The following ZNF568 variants were observed in gnomAD, a reference collection of about 807,000 sequenced individuals.
ZNF568 encodes the protein zinc finger protein 568.
Under a neutral mutation model 18.1 loss-of-function variants are expected in ZNF568, and 11 were observed. That is an observed-to-expected ratio of 0.61 (90% confidence interval 0.38 to 1.00). The LOEUF (loss-of-function observed/expected upper bound fraction) is 1.00. ZNF568 is among the 50% of genes least tolerant of loss of function. ZNF568 has a pLI of 0.01. For missense variants in ZNF568, 639 were observed against 768.2 expected, an observed-to-expected ratio of 0.83 and a Z score of 1.99; for synonymous variants, 213 against 246.6, an observed-to-expected ratio of 0.86 and a Z score of 1.28.
downstream of ZNF568, among the ~76,000 whole-genome samples, chr19:36,984,616 C>G (rs556709830): frequency 5.9e-4 from 90 of 151,952 alleles, no homozygotes; most frequent in African/African-American, 2.1e-3. Context: ...TCTTACATGT[C>G]AAGCTCTCCA....
chr19:36,958,083 T>A (rs1383719494), intron 6 of ZNF568, among the ~76,000 whole-genome samples: 1 of 152,218 alleles, frequency 6.6e-6, no homozygotes, highest in East Asian at 1.9e-4. Context: ...GATTAATAGA[T>A]TTTCAAAGGT....
chr19:36,926,569 C>T (rs953564849), intron 4 of ZNF568, among the ~76,000 whole-genome samples: 1 of 152,070 alleles, frequency 6.6e-6, no homozygotes, highest in Non-Finnish European at 1.5e-5. Flanking sequence ...GTATTTATCC[C>T]ACAGGAATGT....
At chr19:36,962,476 G>A (rs2074162825) in intron 6 of ZNF568, among the ~76,000 whole-genome samples, 1 of 151,680 alleles carries the variant, frequency 6.6e-6, no homozygotes, top group African/African-American at 2.4e-5. Flanking sequence ...AAGTAGCTGG[G>A]ATTAGAGGCA....
chr19:36,936,236 C>T (rs1375592808), intron 4 of ZNF568, among the ~76,000 whole-genome samples: 4 of 152,020 alleles, frequency 2.6e-5, no homozygotes, highest in Non-Finnish European at 4.4e-5. Context: ...TTCCCTCTTC[C>T]CTTGTTTTGT....
At chr19:36,997,400 A>G (rs2074487208), downstream of ZNF568, 4 of 1,589,332 alleles carry the variant, frequency 2.5e-6, no homozygotes, top group East Asian at 9.1e-5. Flanking sequence ...GAATGTGAAA[A>G]GGCCTTTACT....
At chr19:36,985,842 T>A (rs1285445323) in intron 2 of ZNF568, among the ~76,000 whole-genome samples, 1 of 152,184 alleles carries the variant, frequency 6.6e-6, no homozygotes, top group Non-Finnish European at 1.5e-5. Flanking sequence ...TAAATTTGAT[T>A]TTTTGTTTAG....
At chr19:36,993,322 A>G (rs2074441981) in intron 4 of ZNF568, among the ~76,000 whole-genome samples, 1 of 152,158 alleles carries the variant, frequency 6.6e-6, no homozygotes, top group Non-Finnish European at 1.5e-5. Context: ...ATAATCCTTT[A>G]TGCTGTTGGA....
chr19:36,954,752 A>G (rs1273690236), downstream of ZNF568, among the ~76,000 whole-genome samples: 3 of 132,350 alleles, frequency 2.3e-5, no homozygotes, highest in South Asian at 4.8e-4. Flanking sequence ...TTTTTTTTGT[A>G]TTTTTAATGG....
In ZNF568 at chr19:36,936,673, C is replaced by T. The variant is rs114668259; in HGVS notation, c.136-73C>T. The T allele has an allele frequency of 1.2e-3, 1,834 of 1,482,868 alleles. 19 individuals are homozygous for T. In the African/African-American group the frequency reaches 0.023, roughly 18 times the overall value. 91.9% of individuals were successfully genotyped at this position (1,482,868 alleles called of 1,614,324 possible). On this transcript the variant is annotated intron_variant, in intron 4 of 6. Transcript: ENST00000333987. ...CTCTGACCCCTGAGTACCAGCTAAA[C>T]AAGTTCTTGTATGTTGTGATCACAA...
intron 2 of ZNF568, among the ~76,000 whole-genome samples, chr19:36,921,567 T>G (rs903647472): frequency 2.0e-5 from 3 of 152,146 alleles, no homozygotes; most frequent in African/African-American, 7.2e-5. Context: ...TTATTATAAC[T>G]GAATGTTTTC....
chr19:36,943,862 C>A (rs2073921867), intron 6 of ZNF568, among the ~76,000 whole-genome samples: 1 of 152,104 alleles, frequency 6.6e-6, no homozygotes, highest in African/African-American at 2.4e-5. Context: ...CATGAGCCAC[C>A]ACACCAGGCC....
At chr19:36,940,168 G>A (rs893349462) in intron 6 of ZNF568, among the ~76,000 whole-genome samples, 1 of 152,142 alleles carries the variant, frequency 6.6e-6, no homozygotes, top group African/African-American at 2.4e-5. Flanking sequence ...CTGTGTTCAT[G>A]CTATTAAATA....
At chr19:36,985,211 TTAAG>T (rs763374023) in intron 2 of ZNF568, among the ~76,000 whole-genome samples, 4 of 152,178 alleles carry the variant, frequency 2.6e-5, no homozygotes, top group Non-Finnish European at 4.4e-5. Context: ...ATTGTATGAT[TTAAG>T]TATGTTTTTT....
downstream of ZNF568, among the ~76,000 whole-genome samples, chr19:36,957,454 A>G (rs1600829011): frequency 6.6e-6 from 1 of 151,220 alleles, no homozygotes; most frequent in Non-Finnish European, 1.5e-5. Flanking sequence ...CTGGTCTTGA[A>G]CTCCTGACCT....
chr19:36,956,485 A>C (rs2074107996), downstream of ZNF568, among the ~76,000 whole-genome samples: 1 of 152,058 alleles, frequency 6.6e-6, no homozygotes, highest in Admixed American at 6.6e-5. Context: ...TTCCCAAGAG[A>C]TCTCCCCAAT....
chr19:36,951,135 C>A lies in ZNF568; in HGVS notation c.*47C>A. On this transcript the variant is annotated 3_prime_UTR_variant, in exon 7 of 7. Transcript: ENST00000333987. The stretch of plus-strand genomic sequence containing the variant: ...TCAACCCATGTTTTACTTAAAATAT[C>A]TTGGCATAAGCTCAAAAAAGCCAGG... The A allele has an allele frequency of 6.8e-7, 1 of 1,466,582 alleles. No homozygotes were observed. The highest frequency in any genetic ancestry group is 9.0e-7 in the Non-Finnish European group (1 of 1,112,574). 90.8% of individuals were successfully genotyped at this position (1,466,582 alleles called of 1,614,324 possible). A position where few individuals can be genotyped will look rare whatever the true frequency, so the allele number is the denominator to read the frequency against.
intron 4 of ZNF568, among the ~76,000 whole-genome samples, chr19:36,930,917 A>C (rs2073676522): frequency 1.3e-5 from 2 of 152,208 alleles, no homozygotes; most frequent in South Asian, 4.1e-4. Context: ...CCGTTTTGAA[A>C]GTTTAGTATT....
chr19:36,922,916 T>C, intron 3 of ZNF568, 70 bp downstream of exon 3: 1 of 1,382,324 alleles, frequency 7.2e-7, no homozygotes, highest in Non-Finnish European at 1.0e-6. Context: ...TGAAAAGAAA[T>C]TCATTACTCC....
chr19:36,941,949 G>A (rs1422775056), intron 6 of ZNF568, among the ~76,000 whole-genome samples: 1 of 150,194 alleles, frequency 6.7e-6, no homozygotes, highest in East Asian at 2.0e-4. Flanking sequence ...GTCGACCTAC[G>A]TATTTTGAAA....
Sources: gnomAD v4.1 joint callset for allele counts (sites outside exome capture counted in the v4.1 genomes callset) on GRCh38, gnomAD v4.1.1 for gene constraint, MANE v1.5 for transcripts, NCBI Gene and HGNC (gene_info 2026-07-23, HGNC 2026-07-21) for gene names.